Variants in SEMA6D observed in about 807,000 individuals in gnomAD.
SEMA6D encodes the protein semaphorin 6D, also known as semaphorin-6D.
A neutral mutation model predicts 106.6 loss-of-function variants in SEMA6D; 35 were observed. That is an observed-to-expected ratio of 0.33 (90% CI 0.25 to 0.44). The LOEUF (loss-of-function observed/expected upper bound fraction) is 0.44. SEMA6D is among the 20% of genes least tolerant of loss of function. The pLI is 1.00. For synonymous variants in SEMA6D, 499 were observed against 487.7 expected (o/e 1.02, Z -0.31); for missense variants, 1,185 against 1,345.9 (o/e 0.88, Z 1.87).
chr15:47,434,114 G>A (rs1320149037), intron 2 of SEMA6D, among the ~76,000 whole-genome samples: 1 of 152,134 alleles, frequency 6.6e-6, no homozygotes, highest in Non-Finnish European at 1.5e-5. Flanking sequence ...AAGAGATGTT[G>A]AGGCCTCCAC....
chr15:47,226,500 A>G (rs1467463722), intron 1 of SEMA6D, among the ~76,000 whole-genome samples: 1 of 152,136 alleles, frequency 6.6e-6, no homozygotes, highest in Non-Finnish European at 1.5e-5. Context: ...AAAGTCCAGT[A>G]CTTTGTTATC....
intron 2 of SEMA6D, among the ~76,000 whole-genome samples, chr15:47,414,623 T>C (rs2040901757): frequency 6.6e-6 from 1 of 152,188 alleles, no homozygotes; most frequent in African/African-American, 2.4e-5. Context: ...AGAAATCCAG[T>C]AGACCATGCT....
At chr15:47,708,855 G>A (rs1333602922) in intron 4 of SEMA6D, among the ~76,000 whole-genome samples, 1 of 152,162 alleles carries the variant, frequency 6.6e-6, no homozygotes, top group Non-Finnish European at 1.5e-5. Context: ...CTATGTAACT[G>A]GGTTATCTTT....
At chr15:47,579,182 C>G (rs959239440) in intron 3 of SEMA6D, among the ~76,000 whole-genome samples, 2 of 150,840 alleles carry the variant, frequency 1.3e-5, no homozygotes, top group African/African-American at 4.9e-5. Context: ...CACCCTGTTA[C>G]CCAGGCTGGA....
At chr15:47,421,308 A>G (rs2041146074) in intron 2 of SEMA6D, among the ~76,000 whole-genome samples, 1 of 152,070 alleles carries the variant, frequency 6.6e-6, no homozygotes, top group South Asian at 2.1e-4. Flanking sequence ...AAGGACTGGG[A>G]CTGGTGTCTG....
intron 1 of SEMA6D, among the ~76,000 whole-genome samples, chr15:47,307,057 A>C (rs2036260591): frequency 6.6e-6 from 1 of 152,186 alleles, no homozygotes; most frequent in South Asian, 2.1e-4. Flanking sequence ...CTAAGGTAGT[A>C]ATTTAAATTC....
intron 4 of SEMA6D, among the ~76,000 whole-genome samples, chr15:47,695,918 T>C (rs1427423336): frequency 2.0e-5 from 3 of 152,220 alleles, no homozygotes; most frequent in Non-Finnish European, 4.4e-5. Context: ...TGTATTGTTA[T>C]AACCTGGTCA....
At chr15:47,529,785 A>G (rs1205583442) in intron 3 of SEMA6D, among the ~76,000 whole-genome samples, 1 of 152,160 alleles carries the variant, frequency 6.6e-6, no homozygotes, top group Non-Finnish European at 1.5e-5. Context: ...AGGGAAGGCT[A>G]TCATATTTAT....
intron 1 of SEMA6D, among the ~76,000 whole-genome samples, chr15:47,405,958 T>G (rs1224917928): frequency 6.6e-6 from 1 of 152,180 alleles, no homozygotes; most frequent in African/African-American, 2.4e-5. Flanking sequence ...CTACAGCGAT[T>G]CAGAAGTACT....
intron 4 of SEMA6D, among the ~76,000 whole-genome samples, chr15:47,664,991 G>C (rs888194959): frequency 6.6e-6 from 1 of 152,010 alleles, no homozygotes; most frequent in African/African-American, 2.4e-5. Flanking sequence ...TAATGGAGGT[G>C]GGGGGGCGTG....
chr15:47,305,458 A>G (rs1033391467), intron 1 of SEMA6D, among the ~76,000 whole-genome samples: 5 of 152,232 alleles, frequency 3.3e-5, no homozygotes, highest in African/African-American at 1.2e-4. Context: ...CCCTAGAATT[A>G]GCACCATCTG....
chr15:47,419,970 A>G (rs1189600001), intron 2 of SEMA6D, among the ~76,000 whole-genome samples: 1 of 152,120 alleles, frequency 6.6e-6, no homozygotes, highest in Non-Finnish European at 1.5e-5. Context: ...TGGTGAGGCT[A>G]TGAGCATTGA....
At chr15:47,276,809 A>G (rs961409470) in intron 1 of SEMA6D, among the ~76,000 whole-genome samples, 1 of 152,208 alleles carries the variant, frequency 6.6e-6, no homozygotes, top group African/African-American at 2.4e-5. Context: ...TTGTAAGGAT[A>G]TAGCTGCCTT....
intron 13 of SEMA6D, chr15:47,765,629 A>G (rs1186400361): frequency 5.5e-6 from 3 of 541,880 alleles, no homozygotes; most frequent in South Asian, 9.3e-5. Context: ...CGCAAATGCA[A>G]TTCACTTCTA....
At chr15:47,488,840 C>A (rs1404034105) in intron 3 of SEMA6D, among the ~76,000 whole-genome samples, 1 of 152,152 alleles carries the variant, frequency 6.6e-6, no homozygotes, top group African/African-American at 2.4e-5. Flanking sequence ...ACAAGGGTCA[C>A]ACTCTTAGGG....
Position 47,191,856 on chromosome 15 carries a change from T to C in SEMA6D, c.-239+7438T>C, listed in dbSNP as rs529366789. 1.2e-4 allele frequency among the ~76,000 whole-genome samples: 18 copies of C among 152,212 alleles called. No homozygotes were observed. The South Asian group carries it at 2.1e-3, about 18-fold the overall frequency. On this transcript the variant is annotated intron_variant, in intron 1 of 19. Coordinates refer to the SEMA6D transcript ENST00000558014. ...AAGCAGTAGATAGTAGTCTCTGTTA[T>C]AGAGTTGCTGGAGAGAAGGCAGAAA...
intron 1 of SEMA6D, among the ~76,000 whole-genome samples, chr15:47,246,945 C>G (rs1241063645): frequency 6.6e-6 from 1 of 152,116 alleles, no homozygotes; most frequent in Non-Finnish European, 1.5e-5. Context: ...ATAGCCAGCA[C>G]AAAGGCAATT....
chr15:47,215,278 A>C (rs996596875), intron 1 of SEMA6D, among the ~76,000 whole-genome samples: 124 of 151,790 alleles, frequency 8.2e-4, no homozygotes, highest in African/African-American at 2.9e-3. Context: ...AGCATTCTCT[A>C]AACTCTCATT....
At chr15:47,661,010 C>T (rs770537502) in intron 4 of SEMA6D, among the ~76,000 whole-genome samples, 11 of 152,164 alleles carry the variant, frequency 7.2e-5, no homozygotes, top group Non-Finnish European at 1.3e-4. Context: ...GTTATCAGTT[C>T]GTTTCCATAT....
Sources: allele counts gnomAD v4.1 joint callset (sites outside exome capture counted in the v4.1 genomes callset), GRCh38; gene constraint gnomAD v4.1.1; transcripts MANE v1.5; gene names NCBI Gene and HGNC (gene_info 2026-07-23, HGNC 2026-07-21).